Variants in C3orf22 observed in about 807,000 individuals in gnomAD.
C3orf22 encodes chromosome 3 open reading frame 22, also known as uncharacterized protein C3orf22.
Under a neutral mutation model 10.8 loss-of-function variants are expected in C3orf22, and 7 were observed. The observed-to-expected ratio is 0.65, with a 90% CI of 0.37 to 1.22. C3orf22 has a LOEUF of 1.22. Among genes scored for constraint, C3orf22 ranks in the 50% most tolerant of loss-of-function variants. The pLI is 0.02. For synonymous variants in C3orf22, 79 were observed against 78.9 expected, an observed-to-expected ratio of 1.00 and a Z score of 0.00; for missense variants, 173 against 177.0, an observed-to-expected ratio of 0.98 and a Z score of 0.13.
intron 1 of C3orf22, among the ~76,000 whole-genome samples, chr3:126,557,635 A>C (rs1031692770): frequency 6.6e-6 from 1 of 152,122 alleles, no homozygotes; most frequent in Non-Finnish European, 1.5e-5. Flanking sequence ...GGCATGGGAG[A>C]CCAGCCTGTC....
Position 126,549,924 on chromosome 3 carries a change from C to T in C3orf22, c.370G>A (p.Glu124Lys). 4.3e-6 allele frequency: 7 copies of T among 1,614,110 alleles called. No homozygotes were observed. The highest frequency in any genetic ancestry group is 1.1e-5 in the South Asian group (1 of 91,078). ...LAFLLSTRHT[E>K]AACPQTSKAA... ...TTGCTGGTCTGGGGGCAGGCAGCCT[C>T]AGTGTGCCGGGTGGACAGCAGGAAG... Residue 124 changes from glutamate (E) to lysine (K), a missense_variant, in exon 4 of 4, where the codon GAG (glutamate) becomes AAG (lysine). By Grantham distance (56) the Glu-to-Lys change is moderately conservative (BLOSUM62 1). Coordinates refer to ENST00000318225, the MANE Select transcript of C3orf22 (RefSeq NM_152533.3).
At position 126,549,831 on chromosome 3, in the gene C3orf22, G is replaced by T; in HGVS notation, c.*37C>A. The T allele has an allele frequency of 6.3e-7, 1 of 1,580,888 alleles. No individual in the cohort carries two copies. The highest frequency in any genetic ancestry group is 8.6e-7 in the Non-Finnish European group (1 of 1,162,920). On this transcript the variant is annotated 3_prime_UTR_variant, in exon 4 of 4. Coordinates refer to ENST00000318225, the MANE Select transcript of C3orf22 (RefSeq NM_152533.3). The stretch of plus-strand genomic sequence containing the variant: ...ACTGCCCAGAGCCTGCCAAGGAGAA[G>T]GTGGCCAATAAGAAGGCCACACACA...
At chr3:126,540,252 T>C (rs572088691) in intron 4 of C3orf22, among the ~76,000 whole-genome samples, 20 of 152,310 alleles carry the variant, frequency 1.3e-4, no homozygotes, top group African/African-American at 4.1e-4. Context: ...TACAACTCTT[T>C]CAAACCCTAC....
intron 4 of C3orf22, chr3:126,536,387 C>A (rs762236814): frequency 6.5e-7 from 1 of 1,541,862 alleles, no homozygotes; most frequent in East Asian, 2.3e-5. Context: ...AGGCATGCCC[C>A]CCTCCATCCC....
chr3:126,542,631 C>T (rs1043520265), intron 4 of C3orf22: 2 of 1,419,024 alleles, frequency 1.4e-6, no homozygotes, highest in East Asian at 2.9e-5. Context: ...CGACAAGACC[C>T]CCGGGGAATG....
chr3:126,542,232 A>G lies in C3orf22; in HGVS notation c.286+7305T>C. 2.6e-6 allele frequency: 4 copies of G among 1,511,100 alleles called. No individual in the cohort carries two copies. The African/African-American group carries it at 4.3e-5, about 16-fold the overall frequency. 93.6% of individuals were successfully genotyped at this position (1,511,100 alleles called of 1,614,324 possible). Reference sequence around the variant, plus strand: ...CGCGGCCACGACGTGCGCTTCGCGGAGTTCCTGGCCTACCTGCTGGACCCG... The same window carrying G: ...CGCGGCCACGACGTGCGCTTCGCGGGGTTCCTGGCCTACCTGCTGGACCCG... On this transcript the variant is annotated intron_variant and NMD_transcript_variant, in intron 4 of 5. Transcript: ENST00000505070.
intron 4 of C3orf22, among the ~76,000 whole-genome samples, chr3:126,530,162 C>G (rs1468630783): frequency 3.9e-5 from 6 of 152,214 alleles, no homozygotes. Context: ...TGCCCGTCTG[C>G]AGGGCCCAGG....
chr3:126,547,772 G>A (rs552716147), downstream of C3orf22, among the ~76,000 whole-genome samples: 1 of 152,262 alleles, frequency 6.6e-6, no homozygotes, highest in East Asian at 1.9e-4. Context: ...ATCCTATCAT[G>A]GGTTGGGGAG....
chr3:126,542,138 T>A (rs1309988768), intron 4 of C3orf22: 1 of 1,563,790 alleles, frequency 6.4e-7, no homozygotes, highest in Non-Finnish European at 8.6e-7. Flanking sequence ...CAGCGCCGCC[T>A]TCCAGAGGCG....
At chr3:126,551,892 G>A (rs2291509) in intron 3 of C3orf22, 105 bp downstream of exon 3, 422,014 of 1,286,884 alleles carry the variant, frequency 0.33, 71,137 homozygotes, top group African/African-American at 0.5. Context: ...AAAGTGGCGC[G>A]TGCTGGGAGG....
At chr3:126,532,010 C>T (rs1936670410) in intron 4 of C3orf22, among the ~76,000 whole-genome samples, 1 of 152,202 alleles carries the variant, frequency 6.6e-6, no homozygotes, top group African/African-American at 2.4e-5. Flanking sequence ...ATTTCTATTT[C>T]ACTAATGGCT....
downstream of C3orf22, among the ~76,000 whole-genome samples, chr3:126,545,804 G>A (rs562529183): frequency 6.6e-6 from 1 of 152,312 alleles, no homozygotes; most frequent in African/African-American, 2.4e-5. Context: ...CTTGATGACA[G>A]TCGTTTAAGG....
intron 4 of C3orf22, chr3:126,542,131 C>G (rs765031113): frequency 6.4e-7 from 1 of 1,567,716 alleles, no homozygotes; most frequent in Non-Finnish European, 8.6e-7. Flanking sequence ...GCCCCTACAG[C>G]GCCGCCTTCC....
chr3:126,531,208 C>A (rs995948113), intron 4 of C3orf22, among the ~76,000 whole-genome samples: 2 of 152,232 alleles, frequency 1.3e-5, no homozygotes, highest in African/African-American at 4.8e-5. Flanking sequence ...GCCCCACCCC[C>A]CAACCTACTG....
intron 4 of C3orf22, among the ~76,000 whole-genome samples, chr3:126,538,619 A>C (rs1936853904): frequency 6.6e-6 from 1 of 152,198 alleles, no homozygotes; most frequent in African/African-American, 2.4e-5. Flanking sequence ...TGCCACAAGA[A>C]ATGTGTTGGG....
chr3:126,549,255 C>T (rs55668869), downstream of C3orf22, among the ~76,000 whole-genome samples: 117,947 of 148,116 alleles, frequency 0.8, 47,416 homozygotes, highest in East Asian at 0.88. Flanking sequence ...ATCCACGCCC[C>T]CCCCCCCACA....
rs956742638 is a variant in C3orf22, at chr3:126,536,445, G to A, written c.287-7073C>T. The A allele has an allele frequency of 6.3e-6, 6 of 959,942 alleles. No individual in the cohort carries two copies. The African/African-American group carries it at 9.8e-5, about 16-fold the overall frequency. 59.5% of individuals were successfully genotyped at this position (959,942 alleles called of 1,614,324 possible). A position where few individuals can be genotyped will look rare whatever the true frequency, so the allele number is the denominator to read the frequency against. On this transcript the variant is annotated intron_variant and NMD_transcript_variant, in intron 4 of 5. Transcript: ENST00000505070. ...GTGCAGACCTGCTGGCATGAGACTG[G>A]ACCCCACACTGGGGCACAGAAGGGC... is the stretch of plus-strand genomic sequence containing the variant.
chr3:126,547,345 T>A (rs962911718), downstream of C3orf22, among the ~76,000 whole-genome samples: 1 of 152,224 alleles, frequency 6.6e-6, no homozygotes, highest in East Asian at 1.9e-4. Flanking sequence ...AGGGCTTCCA[T>A]GCGGTGCAGC....
chr3:126,551,456 G>C (rs1937185253), intron 3 of C3orf22, among the ~76,000 whole-genome samples: 1 of 152,244 alleles, frequency 6.6e-6, no homozygotes, highest in Non-Finnish European at 1.5e-5. Context: ...AAGTAGGTGT[G>C]CCTGAGGGTC....
Sources: gnomAD v4.1 joint callset for allele counts (sites outside exome capture counted in the v4.1 genomes callset) on GRCh38, gnomAD v4.1.1 for gene constraint, MANE v1.5 for transcripts, NCBI Gene and HGNC (gene_info 2026-07-23, HGNC 2026-07-21) for gene names.